FBXO43: variants seen among roughly 807,000 people sequenced by gnomAD.
FBXO43 encodes F-box only protein 43.
Under a neutral mutation model 56.7 loss-of-function variants are expected in FBXO43, and 22 were observed. The observed-to-expected ratio is 0.39, with a 90% CI of 0.28 to 0.55. FBXO43 has a LOEUF of 0.55. Among genes scored for constraint, FBXO43 ranks in the 20% least tolerant of loss-of-function variants. The pLI is 0.66. For synonymous variants in FBXO43, 306 were observed against 294.5 expected, an observed-to-expected ratio of 1.04 and a Z score of -0.40; for missense variants, 733 against 814.9, an observed-to-expected ratio of 0.90 and a Z score of 1.22.
chr8:100,147,956 A>G (rs1814861939), upstream of FBXO43, among the ~76,000 whole-genome samples: 1 of 152,144 alleles, frequency 6.6e-6, no homozygotes, highest in African/African-American at 2.4e-5. Flanking sequence ...ACAAATCTCT[A>G]TTACAGCCAT....
intron 2 of FBXO43, among the ~76,000 whole-genome samples, chr8:100,140,204 C>T (rs1474860781): frequency 6.6e-6 from 1 of 152,240 alleles, no homozygotes; most frequent in Non-Finnish European, 1.5e-5. Context: ...GGTGCTGTGG[C>T]TCACGCCTCT....
intron 3 of FBXO43, among the ~76,000 whole-genome samples, chr8:100,136,650 A>G (rs1048212272): frequency 3.0e-4 from 45 of 152,186 alleles, no homozygotes; most frequent in Non-Finnish European, 2.2e-4. Flanking sequence ...GCTTGTACAT[A>G]TGCTACTTTC....
At chr8:100,149,618 A>G (rs540036461), upstream of FBXO43, among the ~76,000 whole-genome samples, 1 of 152,308 alleles carries the variant, frequency 6.6e-6, no homozygotes, top group Non-Finnish European at 1.5e-5. Context: ...ATCAACTTAA[A>G]TCTCTCAAGC....
intron 1 of FBXO43, among the ~76,000 whole-genome samples, 199 bp downstream of exon 1, chr8:100,144,852 A>AGAATGGCTCC (rs1403969702): frequency 6.6e-6 from 1 of 151,556 alleles, no homozygotes; most frequent in African/African-American, 2.4e-5. Flanking sequence ...GAATGGCGTG[A>AGAATGGCTCC]ACCCGGGAGG....
upstream of FBXO43, among the ~76,000 whole-genome samples, chr8:100,148,748 T>A (rs1377428248): frequency 6.6e-6 from 1 of 151,110 alleles, no homozygotes; most frequent in Non-Finnish European, 1.5e-5. Flanking sequence ...TGTCATCCCA[T>A]CACTAATTTC....
chr8:100,138,926 C>T (rs1246426199), intron 2 of FBXO43, among the ~76,000 whole-genome samples: 1 of 152,092 alleles, frequency 6.6e-6, no homozygotes, highest in Non-Finnish European at 1.5e-5. Context: ...ATTTTTTAAA[C>T]AGTTTATCGT....
At chr8:100,148,621 C>T (rs1814870051), upstream of FBXO43, among the ~76,000 whole-genome samples, 1 of 152,170 alleles carries the variant, frequency 6.6e-6, no homozygotes, top group Admixed American at 6.5e-5. Context: ...TCATGTTAGC[C>T]AGGATGGTCT....
In FBXO43 at chr8:100,141,127, C is replaced by T. The variant is rs1320910319; in HGVS notation, c.1127G>A (p.Arg376Lys). 10 of 1,614,130 alleles carry T rather than the reference C, an allele frequency of 6.2e-6. No homozygotes were observed. Among genetic ancestry groups the T allele is most frequent in the Non-Finnish European group, 8.5e-6 (10 of 1,180,020 alleles). The part of the protein sequence containing the change: ...PKVGDTIRKT[R>K]HLGRSRRLST... ...CAGTCTTCTCGACCTTCCAAGATGTCTTGTCTTTCTTATGGTGTCCCCAAC... is the reference window on the plus strand; with the variant it reads ...CAGTCTTCTCGACCTTCCAAGATGTTTTGTCTTTCTTATGGTGTCCCCAAC... Residue 376 changes from arginine to lysine, a missense_variant, in exon 2 of 5, where the codon AGA (arginine) becomes AAA (lysine). Arg to Lys is a conservative substitution (Grantham distance 26). Transcript: ENST00000428847.
chr8:100,148,434 CAG>C (rs1274879911), upstream of FBXO43, among the ~76,000 whole-genome samples: 4 of 151,938 alleles, frequency 2.6e-5, no homozygotes, highest in African/African-American at 9.7e-5. Context: ...TTTTTTGAGA[CAG>C]AGTCTCACTT....
intron 1 of FBXO43, among the ~76,000 whole-genome samples, chr8:100,142,789 C>T (rs1814700606): frequency 6.6e-6 from 1 of 152,198 alleles, no homozygotes; most frequent in South Asian, 2.1e-4. Flanking sequence ...CAATGAACTA[C>T]TAACACATTC....
rs1586340507 is a variant in FBXO43, at chr8:100,135,994, A to T, written c.1674+1571T>A. ...TTACATGGAGGGTTGCCAGCACAAC[A>T]ATATGCTTCTTCCTTAGAGGAGTTA... On this transcript the variant is annotated intron_variant, in intron 3 of 4. Coordinates refer to ENST00000428847, the MANE Select transcript of FBXO43 (RefSeq NM_001029860.4). Among the ~76,000 whole-genome samples the T allele has an allele frequency of 2.0e-5, 3 of 151,990 alleles. No individual in the cohort carries two copies. In the South Asian group the frequency reaches 6.2e-4, roughly 32 times the overall value.
At chr8:100,138,822 G>GGA (rs1290115493) in intron 2 of FBXO43, among the ~76,000 whole-genome samples, 1 of 152,172 alleles carries the variant, frequency 6.6e-6, no homozygotes, top group Non-Finnish European at 1.5e-5. Context: ...AGGATTGCTA[G>GGA]AGCCTAGGAG....
Position 100,141,772 on chromosome 8 carries a change from GA to G in FBXO43, c.481del (p.Ser161LeufsTer5), listed in dbSNP as rs1315826670. On this transcript the variant is annotated frameshift_variant, in exon 2 of 5. Coordinates refer to ENST00000428847, the MANE Select transcript of FBXO43 (RefSeq NM_001029860.4). LOFTEE classifies it high-confidence loss of function. ...AAAGTCCCCTTTTAGAAGAGCGAAA[GA>G]TACATTCAACCTTCTGCGAGGTAAA... is the stretch of plus-strand genomic sequence containing the variant. ...KCLPRRRLNV[S>X]FALLKGDFES... 8.8e-6 allele frequency: 14 copies of G among 1,591,590 alleles called. No individual in the cohort carries two copies. Among genetic ancestry groups the G allele is most frequent in the Non-Finnish European group, 1.2e-5 (14 of 1,169,310 alleles).
At chr8:100,145,877 C>A, upstream of FBXO43, 1 of 153,070 alleles carries the variant, frequency 6.5e-6, no homozygotes, top group South Asian at 2.0e-4. Flanking sequence ...GCTGTCCCGC[C>A]CCTTCCTCCG....
chr8:100,143,962 G>T (rs1400873749), intron 1 of FBXO43, among the ~76,000 whole-genome samples: 2 of 152,142 alleles, frequency 1.3e-5, no homozygotes, highest in Non-Finnish European at 2.9e-5. Context: ...AGTAGAGACG[G>T]GCTTTCGCCA....
In FBXO43 at chr8:100,142,051, CA is replaced by C. The variant is rs761142262; in HGVS notation, c.202del (p.Cys68ValfsTer14). On this transcript the variant is annotated frameshift_variant, in exon 2 of 5. Coordinates refer to ENST00000428847, the MANE Select transcript of FBXO43 (RefSeq NM_001029860.4). LOFTEE classifies it high-confidence loss of function. ...NSKYSTFRDF[C>X]STSSFQDSGY... is the part of the protein sequence containing the mutation. ...ACTATCTTGAAATGAAGATGTGGAA[CA>C]AAAATCTCTGAAGGTGGAGTACTTG... 4.3e-5 allele frequency: 69 copies of C among 1,613,582 alleles called. No individual in the cohort carries two copies. The highest frequency in any genetic ancestry group is 4.7e-5 in the Non-Finnish European group (56 of 1,179,886).
At chr8:100,149,829 A>C (rs573753292), upstream of FBXO43, among the ~76,000 whole-genome samples, 18 of 152,330 alleles carry the variant, frequency 1.2e-4, 1 homozygote, top group South Asian at 2.9e-3. Flanking sequence ...GTTATTTTTA[A>C]ATTTTTTAAA....
At chr8:100,138,985 T>C (rs1441808381) in intron 2 of FBXO43, among the ~76,000 whole-genome samples, 1 of 152,252 alleles carries the variant, frequency 6.6e-6, no homozygotes, top group Non-Finnish European at 1.5e-5. Flanking sequence ...ATCTGTTTAT[T>C]ATCCTACTTA....
chr8:100,143,643 T>C (rs1814724931), intron 1 of FBXO43, among the ~76,000 whole-genome samples: 1 of 122,716 alleles, frequency 8.1e-6, no homozygotes, highest in South Asian at 2.4e-4. Flanking sequence ...TTTACAAATA[T>C]TAAATAAGTA....
Sources: gnomAD v4.1 joint callset for allele counts (sites outside exome capture counted in the v4.1 genomes callset) on GRCh38, gnomAD v4.1.1 for gene constraint, MANE v1.5 for transcripts, NCBI Gene and HGNC (gene_info 2026-07-23, HGNC 2026-07-21) for gene names.